Variants in BMP1 observed in about 807,000 individuals in gnomAD.
BMP1 encodes bone morphogenetic protein 1.
BMP1 carries 63 observed loss-of-function variants against 116.8 expected under a neutral mutation model. The observed-to-expected ratio is 0.54, with a 90% CI of 0.44 to 0.67. The LOEUF (loss-of-function observed/expected upper bound fraction) is 0.67, where lower values mean the gene tolerates loss of function less well. Ranked by LOEUF, BMP1 falls within the 30% of genes least tolerant of loss-of-function variation. BMP1 has a pLI of 0.00. For missense variants in BMP1, 1,183 were observed against 1,358.9 expected (o/e 0.87, Z 2.04); for synonymous variants, 536 against 533.4 (o/e 1.00, Z -0.07).
At chr8:22,167,519 G>T (rs867236474) in intron 1 of BMP1, among the ~76,000 whole-genome samples, 13 of 152,178 alleles carry the variant, frequency 8.5e-5, no homozygotes, top group Admixed American at 6.5e-4. Context: ...TGGGTGGGAA[G>T]CCATTCTGAT....
At chr8:22,182,101 T>G (rs1221020622) in intron 8 of BMP1, among the ~76,000 whole-genome samples, 2 of 152,238 alleles carry the variant, frequency 1.3e-5, no homozygotes, top group African/African-American at 4.8e-5. Context: ...GCTACAAGAC[T>G]TTATTTTCCT....
chr8:22,182,844 A>G (rs1828662694), intron 8 of BMP1, among the ~76,000 whole-genome samples: 1 of 152,246 alleles, frequency 6.6e-6, no homozygotes, highest in Non-Finnish European at 1.5e-5. Flanking sequence ...TGCTAATCAC[A>G]TCTGCAAATT....
At chr8:22,208,340 G>A (rs1829402836) in intron 18 of BMP1, among the ~76,000 whole-genome samples, 1 of 152,368 alleles carries the variant, frequency 6.6e-6, no homozygotes, top group South Asian at 2.1e-4. Context: ...TCCGCTCTGC[G>A]AGAGGACTAA....
rs201713013 is a variant in BMP1 at position 22,194,842 on chromosome 8, C to T, written c.1562C>T (p.Thr521Met). 1.1e-5 allele frequency: 18 copies of T among 1,614,180 alleles called. No individual in the cohort carries two copies. The highest frequency in any genetic ancestry group is 4.4e-5 in the South Asian group (4 of 91,080). The part of the protein sequence containing the change: ...GYEKPDDIKS[T>M]SSRLWLKFVS... ...GAGAAGCCTGATGACATCAAGAGCA[C>T]GTCCAGCCGCCTCTGGCTCAAGTTC... The change falls in exon 12 of 20, where the codon ACG (threonine) becomes ATG (methionine). Residue 521 changes from threonine (T) to methionine (M), a missense_variant. Around this residue, in one of 4 missense-constraint regions of BMP1, gnomAD observed 956 missense variants for 1,135.2 expected, o/e 0.84. Transcript: ENST00000306385. This position sits in a 1 kb window ranked among gnomAD's most constrained non-coding sequence, Gnocchi z 4.5.
chr8:22,203,957 A>G (rs747790714), intron 16 of BMP1, among the ~76,000 whole-genome samples: 2 of 152,206 alleles, frequency 1.3e-5, no homozygotes, highest in African/African-American at 2.4e-5. Flanking sequence ...TGGCCTGTTT[A>G]CCTTTCCATC....
Position 22,207,359 on chromosome 8 carries a change from G to A in BMP1, c.2418G>A (p.Glu806=). The change falls in exon 18 of 20, where the codon GAG becomes GAA. Residue 806 remains glutamate, a synonymous_variant. Coordinates refer to ENST00000306385, the MANE Select transcript of BMP1 (RefSeq NM_006129.5). The stretch of plus-strand genomic sequence containing the variant: ...CTGAGTGTGCCTACGACCACCTAGA[G>A]GTGTTCGACGGGCGAGACGCCAAGG... The part of the protein sequence containing the change: ...SQPECAYDHL[E]VFDGRDAKAP... 6.2e-7 allele frequency: 1 copy of A among 1,614,244 alleles called. No individual in the cohort carries two copies. The highest frequency in any genetic ancestry group is 1.3e-5 in the African/African-American group (1 of 75,074).
chr8:22,197,448 C>T (rs1187162155), intron 15 of BMP1, 28 bp downstream of exon 15: 2 of 1,581,920 alleles, frequency 1.3e-6, no homozygotes, highest in African/African-American at 1.3e-5. Context: ...AGCTCCTAGC[C>T]CCACCTCTCC....
intron 4 of BMP1, 89 bp from the exon 5 acceptor site, chr8:22,176,872 C>A (rs564115217): frequency 8.2e-7 from 1 of 1,219,900 alleles, no homozygotes; most frequent in African/African-American, 1.5e-5. Flanking sequence ...GCTCCCCTGC[C>A]GCCCCGCCCC....
intron 12 of BMP1, among the ~76,000 whole-genome samples, 174 bp from the exon 13 acceptor site, chr8:22,195,288 G>T (rs746428138): frequency 1.3e-5 from 2 of 152,200 alleles, no homozygotes. Flanking sequence ...CTTAGTCAGG[G>T]AACAGCACGT....
intron 8 of BMP1, among the ~76,000 whole-genome samples, chr8:22,187,705 A>G (rs1828816638): frequency 6.6e-6 from 1 of 151,824 alleles, no homozygotes; most frequent in Admixed American, 6.6e-5. Context: ...CAGGGACGCT[A>G]TTTCTCTCTA....
Position 22,177,925 on chromosome 8 carries a change from C to T in BMP1, c.804C>T (p.Ser268=), listed in dbSNP as rs1407679928. 6.2e-7 allele frequency: 1 copy of T among 1,613,428 alleles called. No homozygotes were observed. The highest frequency in any genetic ancestry group is 8.5e-7 in the Non-Finnish European group (1 of 1,179,470). The change falls in exon 6 of 20, where the codon AGC becomes AGT. Residue 268 remains serine, a synonymous_variant. Transcript: ENST00000306385. The stretch of plus-strand genomic sequence containing the variant: ...TGGGGGAGACCTATGACTTCGACAG[C>T]ATCATGCATTACGCTCGGAACACAT... ...ESLGETYDFD[S]IMHYARNTFS... is the part of the protein sequence containing the mutation.
intron 8 of BMP1, among the ~76,000 whole-genome samples, chr8:22,186,314 C>T (rs909019889): frequency 6.6e-6 from 1 of 152,182 alleles, no homozygotes; most frequent in Non-Finnish European, 1.5e-5. Context: ...AGCAGAGTTG[C>T]TTGGCAGGCC....
chr8:22,179,077 G>A lies in BMP1; in HGVS notation c.837-628G>A, dbSNP rs1466302584. Among the ~76,000 whole-genome samples the A allele has an allele frequency of 6.6e-6, 1 of 152,170 alleles. No homozygotes were observed. The highest frequency in any genetic ancestry group is 1.5e-5 in the Non-Finnish European group (1 of 68,014). On this transcript the variant is annotated intron_variant, in intron 6 of 19. Coordinates refer to ENST00000306385, the MANE Select transcript of BMP1 (RefSeq NM_006129.5). The surrounding 1 kb of genome is among the most constrained non-coding windows in gnomAD (Gnocchi z 4.6). ...AGGGGCCCTGGGGAGGTGGAGGGCT[G>A]CCTGCCTCCCCTTCACTCTGCTCCT... is the stretch of plus-strand genomic sequence containing the variant.
chr8:22,200,274 C>T (rs1422021415), intron 15 of BMP1, among the ~76,000 whole-genome samples: 5 of 152,176 alleles, frequency 3.3e-5, no homozygotes, highest in Non-Finnish European at 7.3e-5. Context: ...TGACACGTGG[C>T]CGTTGCTCCT....
At chr8:22,202,627 C>T (rs1337424964) in intron 16 of BMP1, among the ~76,000 whole-genome samples, 3 of 152,068 alleles carry the variant, frequency 2.0e-5, no homozygotes, top group Non-Finnish European at 4.4e-5. Context: ...GCAGGAGGAT[C>T]GCTTGAGCTC....
chr8:22,199,322 G>C (rs1256982540), intron 15 of BMP1: 1 of 1,356,978 alleles, frequency 7.4e-7, no homozygotes. Context: ...CCAAGAAGGA[G>C]AAGAAAGAGC....
intron 15 of BMP1, among the ~76,000 whole-genome samples, chr8:22,200,158 A>G (rs1339391713): frequency 6.6e-6 from 1 of 152,196 alleles, no homozygotes; most frequent in Non-Finnish European, 1.5e-5. Context: ...CCACAGACAG[A>G]CCTGAGTGTA....
chr8:22,199,105 C>T (rs757422216), intron 15 of BMP1: 1 of 1,367,404 alleles, frequency 7.3e-7, no homozygotes, highest in Admixed American at 1.9e-5. Context: ...CGACACTGTG[C>T]CCGCCCCACC....
intron 8 of BMP1, among the ~76,000 whole-genome samples, chr8:22,180,819 G>A (rs1828599056): frequency 6.6e-6 from 1 of 152,168 alleles, no homozygotes; most frequent in Non-Finnish European, 1.5e-5. Flanking sequence ...TACAGATGAG[G>A]AAACTGAGGC....
Sources: gnomAD v4.1 joint callset for allele counts (sites outside exome capture counted in the v4.1 genomes callset) on GRCh38, gnomAD v4.1.1 for gene constraint, gnomAD v4.1.1 regional missense constraint, Gnocchi (gnomAD v3.1) non-coding constraint, MANE v1.5 for transcripts, NCBI Gene and HGNC (gene_info 2026-07-23, HGNC 2026-07-21) for gene names.